The following CNTNAP2 variants were observed in gnomAD, a reference collection of about 807,000 sequenced individuals.
CNTNAP2 encodes the protein contactin associated protein 2.
CNTNAP2 carries 98 observed loss-of-function variants against 155.2 expected under a neutral mutation model. The ratio of observed to expected loss-of-function variants is 0.63; its 90% CI spans 0.54 to 0.75. The LOEUF (loss-of-function observed/expected upper bound fraction) is 0.75, where lower values mean the gene tolerates loss of function less well. Among genes scored for constraint, CNTNAP2 ranks in the 30% least tolerant of loss-of-function variants. The probability of loss-of-function intolerance (pLI) is 0.00; values close to 1 mark genes in which losing one functional copy is unlikely to be tolerated. For synonymous variants in CNTNAP2, 651 were observed against 631.2 expected, an observed-to-expected ratio of 1.03 and a Z score of -0.47; for missense variants, 1,727 against 1,688.1, an observed-to-expected ratio of 1.02 and a Z score of -0.40.
chr7:147,695,337 G>A (rs565035297), intron 13 of CNTNAP2, among the ~76,000 whole-genome samples: 1 of 152,100 alleles, frequency 6.6e-6, no homozygotes, highest in African/African-American at 2.4e-5. Context: ...TAGTTTATAG[G>A]TGTCGACTGT....
At chr7:146,340,392 T>A (rs1801361366) in intron 1 of CNTNAP2, among the ~76,000 whole-genome samples, 1 of 151,012 alleles carries the variant, frequency 6.6e-6, no homozygotes, top group Non-Finnish European at 1.5e-5. Flanking sequence ...TAATGATGTT[T>A]TTTCCTGAAT....
chr7:147,237,549 G>A (rs1188173916), intron 8 of CNTNAP2, among the ~76,000 whole-genome samples: 4 of 152,156 alleles, frequency 2.6e-5, no homozygotes, highest in South Asian at 2.1e-4. Flanking sequence ...TTCACTTTGC[G>A]TTATGAATGC....
At chr7:146,926,764 G>A (rs1329032591) in intron 3 of CNTNAP2, among the ~76,000 whole-genome samples, 1 of 152,052 alleles carries the variant, frequency 6.6e-6, no homozygotes, top group Non-Finnish European at 1.5e-5. Flanking sequence ...TTGTAAGGGA[G>A]CTCTTCTAGA....
chr7:148,222,750 C>T (rs947732505), intron 19 of CNTNAP2, among the ~76,000 whole-genome samples: 5 of 152,162 alleles, frequency 3.3e-5, no homozygotes, highest in African/African-American at 7.2e-5. Context: ...TTATTAAACA[C>T]TCAGTGGTGC....
chr7:146,166,128 T>C (rs1034833780), intron 1 of CNTNAP2, among the ~76,000 whole-genome samples: 22 of 152,170 alleles, frequency 1.4e-4, no homozygotes, highest in African/African-American at 5.3e-4. Flanking sequence ...AGTTTCACTC[T>C]TGTTGCCCAG....
At chr7:146,311,330 C>T (rs59221875) in intron 1 of CNTNAP2, among the ~76,000 whole-genome samples, 1 of 152,110 alleles carries the variant, frequency 6.6e-6, no homozygotes, top group Non-Finnish European at 1.5e-5. Context: ...TTTAGTTTAA[C>T]TTAAAAACAA....
At chr7:147,281,105 G>A (rs1805023927) in intron 8 of CNTNAP2, among the ~76,000 whole-genome samples, 1 of 151,832 alleles carries the variant, frequency 6.6e-6, no homozygotes, top group African/African-American at 2.4e-5. Context: ...ACACAGAATG[G>A]TCACTTATTA....
At chr7:146,926,422 C>A (rs775595746) in intron 3 of CNTNAP2, among the ~76,000 whole-genome samples, 30 of 152,060 alleles carry the variant, frequency 2.0e-4, no homozygotes, top group Admixed American at 3.3e-4. Context: ...GAGTTTATGT[C>A]TGAATTTGAA....
At chr7:147,334,336 C>T (rs1021028714) in intron 9 of CNTNAP2, among the ~76,000 whole-genome samples, 1 of 152,180 alleles carries the variant, frequency 6.6e-6, no homozygotes, top group African/African-American at 2.4e-5. Context: ...AATTGCTTGT[C>T]TCTTTCTTCA....
chr7:146,438,541 C>A (rs1228786625), intron 1 of CNTNAP2, among the ~76,000 whole-genome samples: 1 of 151,238 alleles, frequency 6.6e-6, no homozygotes. Context: ...ATTTATATTT[C>A]TTTTATTAGT....
intron 1 of CNTNAP2, among the ~76,000 whole-genome samples, chr7:146,754,373 C>A (rs1321407376): frequency 1.3e-5 from 2 of 151,692 alleles, no homozygotes; most frequent in East Asian, 1.9e-4. Context: ...GAGAAAAAAT[C>A]ATGTCCGTTA....
chr7:148,232,887 A>C (rs894127525), intron 20 of CNTNAP2, among the ~76,000 whole-genome samples: 7 of 152,218 alleles, frequency 4.6e-5, no homozygotes, highest in Non-Finnish European at 8.8e-5. Flanking sequence ...GTGAAACAGC[A>C]CTGAGCACTT....
At chr7:148,254,172 C>T (rs977117563) in intron 20 of CNTNAP2, among the ~76,000 whole-genome samples, 1 of 152,092 alleles carries the variant, frequency 6.6e-6, no homozygotes, top group Admixed American at 6.5e-5. Context: ...CCACCCACTT[C>T]AAAACTGACC....
chr7:146,513,762 A>G (rs904179489), intron 1 of CNTNAP2, among the ~76,000 whole-genome samples: 6 of 151,948 alleles, frequency 3.9e-5, no homozygotes, highest in Admixed American at 2.0e-4. Context: ...TTGTCTGTGT[A>G]CTTACTTTTA....
At chr7:148,399,770 C>T (rs1799543960) in intron 22 of CNTNAP2, among the ~76,000 whole-genome samples, 1 of 152,132 alleles carries the variant, frequency 6.6e-6, no homozygotes, top group Admixed American at 6.5e-5. Context: ...GGCATTCTGG[C>T]AGGCAAATCA....
At chr7:147,332,330 G>A (rs34570452) in intron 9 of CNTNAP2, among the ~76,000 whole-genome samples, 29,614 of 152,078 alleles carry the variant, frequency 0.19, 3,142 homozygotes, top group East Asian at 0.36. Context: ...GTGTTTTTGT[G>A]TATTTGTTTT....
intron 11 of CNTNAP2, among the ~76,000 whole-genome samples, chr7:147,546,417 A>C (rs1799733834): frequency 6.6e-6 from 1 of 152,190 alleles, no homozygotes; most frequent in South Asian, 2.1e-4. Flanking sequence ...TAATTCATTA[A>C]AAGCTGTTTA....
intron 1 of CNTNAP2, among the ~76,000 whole-genome samples, chr7:146,572,375 T>TA (rs1798455554): frequency 6.6e-6 from 1 of 152,018 alleles, no homozygotes; most frequent in South Asian, 2.1e-4. Context: ...GTCTCCTATC[T>TA]TTTTTCTTTA....
intron 9 of CNTNAP2, among the ~76,000 whole-genome samples, chr7:147,377,190 T>C (rs1307144940): frequency 6.6e-6 from 1 of 151,304 alleles, no homozygotes; most frequent in African/African-American, 2.4e-5. Flanking sequence ...CCCCTACAAT[T>C]GCTTTGAAAT....
Sources: gnomAD v4.1 joint callset for allele counts (sites outside exome capture counted in the v4.1 genomes callset) on GRCh38, gnomAD v4.1.1 for gene constraint, MANE v1.5 for transcripts, NCBI Gene and HGNC (gene_info 2026-07-23, HGNC 2026-07-21) for gene names.